Variants in MALRD1 observed in about 807,000 individuals in gnomAD.
The protein encoded by MALRD1 is MAM and LDL receptor class A domain containing 1, also known as MAM and LDL-receptor class A domain-containing protein 1.
MALRD1 carries 247 observed loss-of-function variants against 242.1 expected under a neutral mutation model. The ratio of observed to expected loss-of-function variants is 1.02; its 90% CI spans 0.92 to 1.13. The LOEUF (loss-of-function observed/expected upper bound fraction) is 1.13, where lower values mean the gene tolerates loss of function less well. Ranked by LOEUF, MALRD1 falls within the 50% of genes most tolerant of loss-of-function variation. The pLI, the probability that MALRD1 is intolerant of heterozygous loss-of-function variation, is 0.00. For synonymous variants in MALRD1, 995 were observed against 866.6 expected (o/e 1.15, Z -2.60); for missense variants, 2,989 against 2,533.1 (o/e 1.18, Z -3.86).
At chr10:19,077,655 T>A (rs1379484883) in intron 2 of MALRD1, among the ~76,000 whole-genome samples, 1 of 151,938 alleles carries the variant, frequency 6.6e-6, no homozygotes, top group Non-Finnish European at 1.5e-5. Context: ...AAATCTACTA[T>A]AAATCTAAAT....
intron 28 of MALRD1, among the ~76,000 whole-genome samples, chr10:19,418,265 T>TC (rs147386468): frequency 1.9e-4 from 29 of 151,238 alleles, no homozygotes; most frequent in African/African-American, 6.3e-4. Flanking sequence ...TATGCACCAT[T>TC]CCCCCCCACG....
Position 19,236,151 on chromosome 10 carries a change from T to C in MALRD1, c.2992-21533T>C, listed in dbSNP as rs74118890. On this transcript the variant is annotated intron_variant, in intron 18 of 39. Transcript: ENST00000454679. Reference sequence around the variant, plus strand: ...AATTATCTGTTCCTTCCTAAAGATATCTTCAACCTGTTTTTGGATACATGT... The same window carrying C: ...AATTATCTGTTCCTTCCTAAAGATACCTTCAACCTGTTTTTGGATACATGT... Among the ~76,000 whole-genome samples the C allele has an allele frequency of 9.7e-3, 1,471 of 152,294 alleles. 27 individuals are homozygous for C. The highest frequency in any genetic ancestry group is 0.032 in the African/African-American group (1,326 of 41,564).
At chr10:19,482,641 T>C (rs1160256461) in intron 29 of MALRD1, among the ~76,000 whole-genome samples, 3 of 117,610 alleles carry the variant, frequency 2.6e-5, no homozygotes, top group Non-Finnish European at 5.3e-5. Flanking sequence ...CACAATCCCA[T>C]TTACAATAGC....
intron 29 of MALRD1, among the ~76,000 whole-genome samples, chr10:19,459,825 A>T (rs1428066460): frequency 6.6e-6 from 1 of 151,214 alleles, no homozygotes; most frequent in East Asian, 1.9e-4. Flanking sequence ...ATTTAATTAT[A>T]ATCCAAGCAC....
At chr10:19,250,478 A>T (rs1417846896) in intron 18 of MALRD1, among the ~76,000 whole-genome samples, 2 of 152,004 alleles carry the variant, frequency 1.3e-5, no homozygotes, top group Admixed American at 6.6e-5. Context: ...TTAAAATAGC[A>T]TGTGAGTGTG....
intron 4 of MALRD1, among the ~76,000 whole-genome samples, chr10:19,100,785 A>T (rs1452037579): frequency 6.6e-6 from 1 of 152,114 alleles, no homozygotes; most frequent in Non-Finnish European, 1.5e-5. Flanking sequence ...CTGAAGAGGA[A>T]TGGTGTTTTT....
chr10:19,607,099 T>C (rs1288941485), intron 34 of MALRD1, among the ~76,000 whole-genome samples: 2 of 152,160 alleles, frequency 1.3e-5, no homozygotes, highest in Admixed American at 6.5e-5. Context: ...ACCAAAGTCT[T>C]ATGAGTATTA....
intron 5 of MALRD1, among the ~76,000 whole-genome samples, chr10:19,108,387 CTTTTTTTTTTTTTTTTTTTTTT>C (rs35948766): frequency 3.5e-4 from 7 of 19,764 alleles, no homozygotes; most frequent in Non-Finnish European, 5.6e-4. Context: ...ATTGTTTTTT[CTTTTTTTTTTTTTTTTTTTTTT>C]TTTTTTTTTT....
chr10:19,106,681 T>TG (rs2131342403), intron 5 of MALRD1, among the ~76,000 whole-genome samples: 1 of 152,008 alleles, frequency 6.6e-6, no homozygotes, highest in East Asian at 1.9e-4. Context: ...TAATTTGGGG[T>TG]TTAGTTTCTT....
intron 21 of MALRD1, among the ~76,000 whole-genome samples, chr10:19,294,289 C>T (rs1054184880): frequency 5.3e-4 from 81 of 152,058 alleles, no homozygotes; most frequent in African/African-American, 1.9e-3. Flanking sequence ...GTAGGAAAAA[C>T]GTTTCCCAAA....
intron 4 of MALRD1, among the ~76,000 whole-genome samples, chr10:19,088,429 C>A (rs1309945762): frequency 2.0e-5 from 3 of 151,650 alleles, no homozygotes; most frequent in Admixed American, 2.0e-4. Context: ...TATTTTAAGG[C>A]ATACTAATAT....
chr10:19,544,510 G>A (rs1213993449), intron 32 of MALRD1, among the ~76,000 whole-genome samples: 1 of 151,828 alleles, frequency 6.6e-6, no homozygotes, highest in Non-Finnish European at 1.5e-5. Context: ...TAGATGGGTT[G>A]GCTAGATTTC....
intron 36 of MALRD1, among the ~76,000 whole-genome samples, chr10:19,632,701 C>G (rs1030758058): frequency 1.3e-5 from 2 of 152,032 alleles, no homozygotes; most frequent in Admixed American, 6.5e-5. Flanking sequence ...CCTTTCCAGA[C>G]AAACCCCAAA....
chr10:19,587,969 A>G (rs1007195658), intron 33 of MALRD1, among the ~76,000 whole-genome samples: 3 of 151,882 alleles, frequency 2.0e-5, no homozygotes, highest in Non-Finnish European at 4.4e-5. Context: ...GTAGAAAACA[A>G]AAATGGCAGA....
chr10:19,353,266 C>T (rs925717352), intron 26 of MALRD1, among the ~76,000 whole-genome samples: 4 of 151,966 alleles, frequency 2.6e-5, no homozygotes, highest in African/African-American at 7.3e-5. Context: ...CTTGGCCTCC[C>T]GAAGTACTGG....
At chr10:19,181,505 A>G (rs980082704) in intron 14 of MALRD1, among the ~76,000 whole-genome samples, 4 of 152,216 alleles carry the variant, frequency 2.6e-5, no homozygotes, top group Admixed American at 2.6e-4. Context: ...TAAAAATTAT[A>G]TACAGATATA....
At chr10:19,060,896 A>T (rs1834804046) in intron 1 of MALRD1, among the ~76,000 whole-genome samples, 1 of 152,226 alleles carries the variant, frequency 6.6e-6, no homozygotes, top group Non-Finnish European at 1.5e-5. Flanking sequence ...AATGCCCATC[A>T]ATGACAGACT....
chr10:19,646,050 T>A (rs1252966146), intron 36 of MALRD1, among the ~76,000 whole-genome samples: 2 of 152,216 alleles, frequency 1.3e-5, no homozygotes, highest in Non-Finnish European at 2.9e-5. Flanking sequence ...AAAAGCAAAT[T>A]ATTTTTATAA....
chr10:19,441,859 A>T (rs963244783), intron 28 of MALRD1, among the ~76,000 whole-genome samples: 10 of 152,090 alleles, frequency 6.6e-5, no homozygotes, highest in African/African-American at 1.9e-4. Context: ...TTTTTTTCCA[A>T]TTCTGTGAAG....
Sources: allele counts gnomAD v4.1 joint callset (sites outside exome capture counted in the v4.1 genomes callset), GRCh38; gene constraint gnomAD v4.1.1; transcripts MANE v1.5; gene names NCBI Gene and HGNC (gene_info 2026-07-23, HGNC 2026-07-21).